The following TCF20 variants were observed in gnomAD, a reference collection of about 807,000 sequenced individuals.
The protein encoded by TCF20 is SPRE-binding protein.
TCF20 carries 3 observed loss-of-function variants against 148.6 expected under a neutral mutation model. That is an observed-to-expected ratio of 0.02 (90% CI 0.01 to 0.05). TCF20 has a LOEUF of 0.05. TCF20 is among the 10% of genes least tolerant of loss of function. TCF20 has a pLI of 1.00. For synonymous variants in TCF20, 1,049 were observed against 909.5 expected (o/e 1.15, Z -2.76); for missense variants, 2,350 against 2,429.3 (o/e 0.97, Z 0.69).
chr22:42,253,629 T>G (rs1209419217), intron 1 of TCF20, among the ~76,000 whole-genome samples: 2 of 152,220 alleles, frequency 1.3e-5, no homozygotes, highest in African/African-American at 4.8e-5. Context: ...AAATCTAATA[T>G]TTTGATTTTG....
At chr22:42,201,585 T>C (rs577398565) in intron 2 of TCF20, among the ~76,000 whole-genome samples, 15 of 152,122 alleles carry the variant, frequency 9.9e-5, no homozygotes, top group Admixed American at 2.6e-4. Context: ...CTCGCCAACA[T>C]GGTGAAACCC....
At chr22:42,169,444 G>T (rs576450049) in intron 4 of TCF20, among the ~76,000 whole-genome samples, 43 of 152,270 alleles carry the variant, frequency 2.8e-4, no homozygotes, top group African/African-American at 1.0e-3. Flanking sequence ...TGGTCAGCTC[G>T]ACTTCTAGTC....
intron 1 of TCF20, among the ~76,000 whole-genome samples, chr22:42,234,359 C>T (rs1923690873): frequency 6.6e-6 from 1 of 152,164 alleles, no homozygotes; most frequent in Non-Finnish European, 1.5e-5. Context: ...AAAGCAGAAC[C>T]GAGTTCTATG....
At chr22:42,318,004 AG>A (rs1388997463) in intron 1 of TCF20, among the ~76,000 whole-genome samples, 2 of 152,086 alleles carry the variant, frequency 1.3e-5, no homozygotes, top group Non-Finnish European at 2.9e-5. Context: ...GCCCCTGCAC[AG>A]GGGCGTGTGC....
At chr22:42,240,106 T>G (rs1457701781) in intron 1 of TCF20, among the ~76,000 whole-genome samples, 2 of 152,262 alleles carry the variant, frequency 1.3e-5, no homozygotes, top group Non-Finnish European at 2.9e-5. Flanking sequence ...AAGCTTTAGT[T>G]ATGAACTAAT....
chr22:42,271,928 G>A (rs1428577926), upstream of TCF20, among the ~76,000 whole-genome samples: 3 of 152,084 alleles, frequency 2.0e-5, no homozygotes, highest in South Asian at 6.2e-4. Context: ...ACCCCACCTA[G>A]CCATTGCCTT....
At chr22:42,193,698 T>C (rs1164145466) in intron 2 of TCF20, among the ~76,000 whole-genome samples, 1 of 152,128 alleles carries the variant, frequency 6.6e-6, no homozygotes. Flanking sequence ...GTCCAGTTAT[T>C]AACTCCATTT....
chr22:42,229,249 A>T lies in TCF20; in HGVS notation c.-36-13908T>A, dbSNP rs1923184958. On this transcript the variant is annotated intron_variant, in intron 1 of 5. Coordinates refer to ENST00000677622, the MANE Select transcript of TCF20 (RefSeq NM_001378418.1). ...ACAGCAGAGATGTCCATAATTATGG[A>T]ATGGCAAGGTAAGCACACAGCTGTG... Among the ~76,000 whole-genome samples the T allele has an allele frequency of 2.6e-5, 4 of 152,178 alleles. No individual in the cohort carries two copies. The South Asian group carries it at 8.3e-4, about 31-fold the overall frequency.
intron 1 of TCF20, among the ~76,000 whole-genome samples, chr22:42,249,330 C>A (rs987837755): frequency 6.6e-6 from 1 of 152,180 alleles, no homozygotes; most frequent in African/African-American, 2.4e-5. Flanking sequence ...ATCATATGAG[C>A]CAATTCCCCT....
intron 1 of TCF20, among the ~76,000 whole-genome samples, chr22:42,327,579 A>G (rs1397903616): frequency 1.3e-5 from 2 of 152,098 alleles, no homozygotes; most frequent in Non-Finnish European, 2.9e-5. Context: ...CATTCCCACA[A>G]TAAGTCCTCA....
chr22:42,224,690 T>C (rs1922705336), intron 1 of TCF20, among the ~76,000 whole-genome samples: 1 of 152,112 alleles, frequency 6.6e-6, no homozygotes, highest in Non-Finnish European at 1.5e-5. Flanking sequence ...CAACAACCTA[T>C]TTGAAAATTG....
chr22:42,173,722 T>C (rs949271596), intron 3 of TCF20, among the ~76,000 whole-genome samples: 3 of 152,096 alleles, frequency 2.0e-5, no homozygotes, highest in Non-Finnish European at 4.4e-5. Flanking sequence ...GGCCTCTGGG[T>C]CACTGTGACT....
chr22:42,196,705 C>T (rs887665958), intron 2 of TCF20, among the ~76,000 whole-genome samples: 2 of 152,190 alleles, frequency 1.3e-5, no homozygotes, highest in Non-Finnish European at 2.9e-5. Flanking sequence ...AGGCCTGAGA[C>T]TTGTTAGATG....
chr22:42,272,011 G>A (rs926513865), upstream of TCF20, among the ~76,000 whole-genome samples: 2 of 152,202 alleles, frequency 1.3e-5, no homozygotes, highest in Admixed American at 6.5e-5. Context: ...CTTGGCAGGA[G>A]CATGTACTTG....
chr22:42,281,238 C>G (rs1926895600), intron 1 of TCF20, among the ~76,000 whole-genome samples: 1 of 152,200 alleles, frequency 6.6e-6, no homozygotes, highest in Non-Finnish European at 1.5e-5. Context: ...AAATCTGAGG[C>G]CATCTGGGAA....
chr22:42,333,326 C>T (rs910666322), intron 1 of TCF20, among the ~76,000 whole-genome samples: 11 of 152,152 alleles, frequency 7.2e-5, no homozygotes, highest in African/African-American at 2.4e-4. Flanking sequence ...TGTGTGTAGA[C>T]AGTGGCAGGA....
At chr22:42,172,967 G>A (rs935696491) in intron 3 of TCF20, among the ~76,000 whole-genome samples, 5 of 152,102 alleles carry the variant, frequency 3.3e-5, no homozygotes, top group African/African-American at 9.7e-5. Flanking sequence ...GCTGTCCCCC[G>A]GGGAGGAGTC....
At chr22:42,193,168 G>C (rs1008867102) in intron 2 of TCF20, among the ~76,000 whole-genome samples, 8 of 149,830 alleles carry the variant, frequency 5.3e-5, no homozygotes, top group Non-Finnish European at 1.0e-4. Flanking sequence ...AAGGAAAAAG[G>C]AAAAAAAGAA....
At chr22:42,296,728 C>T (rs1017787116) in intron 1 of TCF20, among the ~76,000 whole-genome samples, 1 of 152,238 alleles carries the variant, frequency 6.6e-6, no homozygotes, top group Non-Finnish European at 1.5e-5. Context: ...CCTCACCACC[C>T]GAGCCACAAG....
Sources: allele counts gnomAD v4.1 joint callset (sites outside exome capture counted in the v4.1 genomes callset), GRCh38; gene constraint gnomAD v4.1.1; transcripts MANE v1.5; gene names NCBI Gene and HGNC (gene_info 2026-07-23, HGNC 2026-07-21).